Variants in ALDH1A2 observed in about 807,000 individuals in gnomAD.
ALDH1A2 encodes the protein aldehyde dehydrogenase 1 family member A2.
ALDH1A2 carries 27 observed loss-of-function variants against 60.3 expected under a neutral mutation model. The observed-to-expected ratio is 0.45, with a 90% CI of 0.33 to 0.62. The LOEUF is 0.62. ALDH1A2 is among the 20% of genes least tolerant of loss of function. The pLI is 0.02. For missense variants in ALDH1A2, 581 were observed against 643.8 expected, an observed-to-expected ratio of 0.90 and a Z score of 1.06; for synonymous variants, 289 against 232.4, an observed-to-expected ratio of 1.24 and a Z score of -2.21.
At chr15:57,958,523 C>G (rs1198220744) in intron 12 of ALDH1A2, among the ~76,000 whole-genome samples, 1 of 152,164 alleles carries the variant, frequency 6.6e-6, no homozygotes, top group South Asian at 2.1e-4. Flanking sequence ...GTGGGGAGAC[C>G]TCGTGGGCTA....
At position 57,954,569 on chromosome 15, in the gene ALDH1A2, T is replaced by C. The variant is rs1893454001; in HGVS notation, c.*628A>G. ...TATTTATGGGTAAAAGAAAACCAGA[T>C]TGGGTCAGGAATATCCCAGGTTCTT... On this transcript the variant is annotated 3_prime_UTR_variant, in exon 13 of 13. Coordinates refer to ENST00000249750, the MANE Select transcript of ALDH1A2 (RefSeq NM_003888.4). The C allele has an allele frequency of 6.4e-6, 1 of 157,366 alleles. No homozygotes were observed. The highest frequency in any genetic ancestry group is 3.2e-3 in the Middle Eastern group (1 of 316). The allele number at this position is 157,366 out of a possible 1,614,324, so 9.7% of individuals were successfully genotyped here.
At chr15:58,051,562 T>C (rs1202691412) in intron 1 of ALDH1A2, among the ~76,000 whole-genome samples, 4 of 152,122 alleles carry the variant, frequency 2.6e-5, no homozygotes, top group Non-Finnish European at 1.5e-5. Context: ...AAGCTGCCAC[T>C]TGACCCGGAA....
chr15:58,019,808 CTTTTT>C (rs1355114708), intron 1 of ALDH1A2, among the ~76,000 whole-genome samples: 1 of 152,096 alleles, frequency 6.6e-6, no homozygotes, highest in Non-Finnish European at 1.5e-5. Context: ...GAATCACTTT[CTTTTT>C]TATTATTATT....
chr15:57,981,286 G>GTAAA (rs1491112675), intron 7 of ALDH1A2, among the ~76,000 whole-genome samples: 5 of 94,140 alleles, frequency 5.3e-5, no homozygotes, highest in Admixed American at 4.0e-4. Context: ...AAATAGAAGA[G>GTAAA]CAAACACACA....
At chr15:58,022,805 T>A (rs1895968065) in intron 1 of ALDH1A2, among the ~76,000 whole-genome samples, 1 of 151,974 alleles carries the variant, frequency 6.6e-6, no homozygotes, top group African/African-American at 2.4e-5. Flanking sequence ...CCACCCAGAA[T>A]CAAAGCCAAA....
At chr15:58,040,636 C>T (rs1349947886) in intron 1 of ALDH1A2, among the ~76,000 whole-genome samples, 6 of 151,910 alleles carry the variant, frequency 3.9e-5, no homozygotes, top group African/African-American at 1.4e-4. Flanking sequence ...ACATCTATGG[C>T]TGTTCCCCGT....
In ALDH1A2 at chr15:58,014,165, C is replaced by CA. The variant is rs774634541; in HGVS notation, c.222+11dup. 1.9e-6 allele frequency: 3 copies of CA among 1,614,032 alleles called. No homozygotes were observed. The highest frequency in any genetic ancestry group is 8.5e-7 in the Non-Finnish European group (1 of 1,179,890). On this transcript the variant is annotated intron_variant, in intron 2 of 12. Coordinates refer to ENST00000249750, the MANE Select transcript of ALDH1A2 (RefSeq NM_003888.4). ...TATTTCATAGGAAATCTTTTATCTACAAAAGACATACCTTGTCTGCTTCTT... is the reference window on the plus strand; with the variant it reads ...TATTTCATAGGAAATCTTTTATCTACAAAAAGACATACCTTGTCTGCTTCTT...
At chr15:58,027,010 C>A (rs1035228761) in intron 1 of ALDH1A2, among the ~76,000 whole-genome samples, 3 of 152,156 alleles carry the variant, frequency 2.0e-5, no homozygotes, top group African/African-American at 7.2e-5. Context: ...AGGGACAGCT[C>A]TGAAGACAGC....
At chr15:57,966,385 G>A (rs911202356) in intron 7 of ALDH1A2, among the ~76,000 whole-genome samples, 12 of 152,166 alleles carry the variant, frequency 7.9e-5, no homozygotes, top group African/African-American at 2.2e-4. Flanking sequence ...TGTAAATGCC[G>A]TTTATCTTGA....
intron 1 of ALDH1A2, among the ~76,000 whole-genome samples, chr15:58,017,665 C>T (rs1242823813): frequency 6.6e-6 from 1 of 152,054 alleles, no homozygotes; most frequent in Non-Finnish European, 1.5e-5. Context: ...CAGTTATTTG[C>T]ATTCAAAGGC....
chr15:57,994,461 A>G (rs1436047948), intron 5 of ALDH1A2, among the ~76,000 whole-genome samples: 2 of 152,192 alleles, frequency 1.3e-5, no homozygotes, highest in African/African-American at 4.8e-5. Context: ...GTTAAAAGCT[A>G]TGGTCATGTT....
At chr15:58,047,368 C>A (rs116495002) in intron 1 of ALDH1A2, among the ~76,000 whole-genome samples, 10 of 151,948 alleles carry the variant, frequency 6.6e-5, no homozygotes, top group African/African-American at 2.4e-4. Flanking sequence ...TACCAGACAG[C>A]AAATCAATAT....
At chr15:57,976,365 T>C (rs1203197519) in intron 7 of ALDH1A2, among the ~76,000 whole-genome samples, 2 of 152,140 alleles carry the variant, frequency 1.3e-5, no homozygotes, top group East Asian at 1.9e-4. Context: ...CCATGGTGGT[T>C]TGCTGCACCC....
At position 57,993,021 on chromosome 15, in the gene ALDH1A2, C is replaced by T. The variant is rs779663083; in HGVS notation, c.608G>A (p.Cys203Tyr). Residue 203 changes from cysteine to tyrosine, a missense_variant, in exon 6 of 13, where the codon TGT (cysteine) becomes TAT (tyrosine). This residue lies in a region of ALDH1A2 where 375 missense variants were observed against 469.7 expected (regional missense o/e 0.80). Coordinates refer to ENST00000249750, the MANE Select transcript of ALDH1A2 (RefSeq NM_003888.4). ...FAWKIAPALC[C>Y]GNTVVIKPAE... The stretch of plus-strand genomic sequence containing the variant: ...TGGCTTAATAACTACTGTATTGCCA[C>T]AGCACAAAGCTGGAGCTATTTTCCA... 3 of 1,613,566 alleles carry T rather than the reference C, an allele frequency of 1.9e-6. No individual in the cohort carries two copies. The highest frequency in any genetic ancestry group is 2.5e-6 in the Non-Finnish European group (3 of 1,179,968).
chr15:57,986,611 A>C (rs1251832581), intron 7 of ALDH1A2, among the ~76,000 whole-genome samples: 1 of 150,722 alleles, frequency 6.6e-6, no homozygotes, highest in African/African-American at 2.4e-5. Flanking sequence ...TAAACAGGAA[A>C]AACTCCAGTC....
Position 58,014,197 on chromosome 15 carries a change from C to A in ALDH1A2, c.202G>T (p.Glu68Ter). 1.9e-6 allele frequency: 3 copies of A among 1,614,104 alleles called. No individual in the cohort carries two copies. Among genetic ancestry groups the A allele is most frequent in the Non-Finnish European group, 2.5e-6 (3 of 1,179,964 alleles). ...CATACCTTGTCTGCTTCTTGAACTT[C>A]ACACACCTGTTCTCCTGTGGCTGGA... is the stretch of plus-strand genomic sequence containing the variant. ...YNPATGEQVCEVQEADKADID... is the reference protein window; with the variant it reads ...YNPATGEQVC The change falls in exon 2 of 13, where the codon GAA (glutamate) becomes TAA (stop). Residue 68 changes from glutamate to a stop codon, truncating the protein, a stop_gained. Transcript: ENST00000249750. LOFTEE classifies it high-confidence loss of function.
At chr15:58,047,828 G>A (rs536914116) in intron 1 of ALDH1A2, among the ~76,000 whole-genome samples, 1 of 151,686 alleles carries the variant, frequency 6.6e-6, no homozygotes, top group Non-Finnish European at 1.5e-5. Flanking sequence ...GCTAAAAAGT[G>A]AAAAAAACAC....
intron 1 of ALDH1A2, among the ~76,000 whole-genome samples, chr15:58,028,540 C>A (rs1896140247): frequency 6.6e-6 from 1 of 152,180 alleles, no homozygotes; most frequent in African/African-American, 2.4e-5. Context: ...GGATCAAATT[C>A]ACACATAACA....
intron 1 of ALDH1A2, among the ~76,000 whole-genome samples, chr15:58,021,620 TTC>T (rs1367381063): frequency 6.6e-6 from 1 of 152,216 alleles, no homozygotes; most frequent in Non-Finnish European, 1.5e-5. Flanking sequence ...CCCACATCCT[TTC>T]TGAGACCTAA....
Sources: gnomAD v4.1 joint callset for allele counts (sites outside exome capture counted in the v4.1 genomes callset) on GRCh38, gnomAD v4.1.1 for gene constraint, gnomAD v4.1.1 regional missense constraint, MANE v1.5 for transcripts, NCBI Gene and HGNC (gene_info 2026-07-23, HGNC 2026-07-21) for gene names.